The following ST3GAL4 variants were observed in gnomAD, a reference collection of about 807,000 sequenced individuals.
ST3GAL4 encodes CMP-N-acetylneuraminate-beta-galactosamide-alpha-2,3-sialyltransferase 4.
ST3GAL4 carries 24 observed loss-of-function variants against 42.6 expected under a neutral mutation model. That is an observed-to-expected ratio of 0.56 (90% CI 0.41 to 0.79). The LOEUF is 0.79. Among genes scored for constraint, ST3GAL4 ranks in the 30% least tolerant of loss-of-function variants. The pLI is 0.00. For missense variants in ST3GAL4, 311 were observed against 430.8 expected (o/e 0.72, Z 2.46); for synonymous variants, 135 against 163.2 (o/e 0.83, Z 1.32).
chr11:126,382,918 C>T (rs1953064064), intron 1 of ST3GAL4, among the ~76,000 whole-genome samples: 2 of 152,244 alleles, frequency 1.3e-5, no homozygotes, highest in Non-Finnish European at 2.9e-5. Context: ...GCTGGCGGGG[C>T]AGCTGGAGGA....
Position 126,411,894 on chromosome 11 carries a change from A to G in ST3GAL4, c.772-1611A>G, listed in dbSNP as rs543037499. 6.6e-6 allele frequency among the ~76,000 whole-genome samples: 1 copy of G among 152,304 alleles called. No homozygotes were observed. The highest frequency in any genetic ancestry group is 2.4e-5 in the African/African-American group (1 of 41,572). ...GTAATTAGGTCAAGCTCAGCAGGACAGCCTCTCCTTTTGTGTTCAACTGTG... is the reference window on the plus strand; with the variant it reads ...GTAATTAGGTCAAGCTCAGCAGGACGGCCTCTCCTTTTGTGTTCAACTGTG... On this transcript the variant is annotated intron_variant, in intron 9 of 10. Transcript: ENST00000444328. This position sits in a 1 kb window ranked among gnomAD's most constrained non-coding sequence, Gnocchi z 6.3.
chr11:126,406,267 G>A lies in ST3GAL4; in HGVS notation c.16+96G>A. Reference sequence around the variant, plus strand: ...GACCTCTGGGGGCTGTGGAGGGACAGACAGGGAGCCAGGGGCCCTTCTCTT... The same window carrying A: ...GACCTCTGGGGGCTGTGGAGGGACAAACAGGGAGCCAGGGGCCCTTCTCTT... On this transcript the variant is annotated intron_variant, in intron 2 of 10. Coordinates refer to ENST00000444328, the MANE Select transcript of ST3GAL4 (RefSeq NM_001254757.2). The surrounding 1 kb of genome is among the most constrained non-coding windows in gnomAD (Gnocchi z 5.4). 6.5e-7 allele frequency: 1 copy of A among 1,548,672 alleles called. No individual in the cohort carries two copies. Among genetic ancestry groups the A allele is most frequent in the Non-Finnish European group, 8.7e-7 (1 of 1,146,350 alleles).
chr11:126,370,948 G>A lies in ST3GAL4; in HGVS notation c.-61+15106G>A, dbSNP rs576606766. ...CTCCCAAAGTGCTGGGATTACTGGT[G>A]TGAACCACTGTGCCTGGCCCTCGTT... On this transcript the variant is annotated intron_variant, in intron 1 of 10. Coordinates refer to ENST00000444328, the MANE Select transcript of ST3GAL4 (RefSeq NM_001254757.2). 4.3e-4 allele frequency among the ~76,000 whole-genome samples: 65 copies of A among 151,966 alleles called. 1 individual carries two copies. Among genetic ancestry groups the A allele is most frequent in the Non-Finnish European group, 8.4e-4 (57 of 67,996 alleles).
At chr11:126,413,362 C>T (rs960932000) in intron 9 of ST3GAL4, 143 bp from the exon 10 acceptor site, 11 of 976,856 alleles carry the variant, frequency 1.1e-5, no homozygotes, top group East Asian at 2.7e-5. Flanking sequence ...TTTGCGTGCT[C>T]GTTAGCTCGT....
rs1212274246 is a variant in ST3GAL4, at chr11:126,392,374, C to T, written c.-60-13722C>T. Reference sequence around the variant, plus strand: ...GAGCTGGTAAGTGGTTAAGATCAGTCGGACATGACAACCTCCAGTTCTGCA... The same window carrying T: ...GAGCTGGTAAGTGGTTAAGATCAGTTGGACATGACAACCTCCAGTTCTGCA... On this transcript the variant is annotated intron_variant, in intron 1 of 10. Coordinates refer to ENST00000444328, the MANE Select transcript of ST3GAL4 (RefSeq NM_001254757.2). The surrounding 1 kb of genome is among the most constrained non-coding windows in gnomAD (Gnocchi z 5.8). The T allele has an allele frequency of 2.2e-5, 22 of 985,776 alleles. No homozygotes were observed. Among genetic ancestry groups the T allele is most frequent in the South Asian group, 1.9e-4 (4 of 21,280 alleles). 61.1% of individuals were successfully genotyped at this position (985,776 alleles called of 1,614,324 possible).
chr11:126,362,869 G>A (rs554216555), intron 1 of ST3GAL4, among the ~76,000 whole-genome samples: 2 of 152,314 alleles, frequency 1.3e-5, no homozygotes, highest in East Asian at 1.9e-4. Flanking sequence ...TATTGCAAAC[G>A]AGGGAGCAGA....
intron 4 of ST3GAL4, 26 bp from the exon 5 acceptor site, chr11:126,407,226 C>A: frequency 6.2e-7 from 1 of 1,611,736 alleles, no homozygotes; most frequent in Non-Finnish European, 8.5e-7. Context: ...TGTTCTCATC[C>A]CCACCCGGCT....
rs578035265 is a variant in ST3GAL4, at chr11:126,410,965, G to A, written c.771+1554G>A. Among the ~76,000 whole-genome samples the A allele has an allele frequency of 3.3e-5, 5 of 152,298 alleles. No homozygotes were observed. The highest frequency in any genetic ancestry group is 1.9e-4 in the East Asian group (1 of 5,182). On this transcript the variant is annotated intron_variant, in intron 9 of 10. Coordinates refer to ENST00000444328, the MANE Select transcript of ST3GAL4 (RefSeq NM_001254757.2). This position sits in a 1 kb window ranked among gnomAD's most constrained non-coding sequence, Gnocchi z 5.3. Reference sequence around the variant, plus strand: ...GGCATTCCATTTGGCCAGAGCAGGCGGCTCCTCCAGCACTGAACTGTTTCC... The same window carrying A: ...GGCATTCCATTTGGCCAGAGCAGGCAGCTCCTCCAGCACTGAACTGTTTCC...
Position 126,410,780 on chromosome 11 carries a change from T to C in ST3GAL4, c.771+1369T>C, listed in dbSNP as rs1021798829. On this transcript the variant is annotated intron_variant, in intron 9 of 10. Transcript: ENST00000444328. The surrounding 1 kb of genome is among the most constrained non-coding windows in gnomAD (Gnocchi z 5.3). ...CAGTCTAGCAGAGTAAGAATGCAGGTTGCACTGTGGGGTGATAAAATTCCA... is the reference window on the plus strand; with the variant it reads ...CAGTCTAGCAGAGTAAGAATGCAGGCTGCACTGTGGGGTGATAAAATTCCA... Among the ~76,000 whole-genome samples, 3 of 152,116 alleles carry C rather than the reference T, an allele frequency of 2.0e-5. No homozygotes were observed. Among genetic ancestry groups the C allele is most frequent in the Non-Finnish European group, 4.4e-5 (3 of 68,020 alleles).
At chr11:126,408,794 A>C in intron 8 of ST3GAL4, 1 of 467,040 alleles carries the variant, frequency 2.1e-6, no homozygotes, top group East Asian at 3.5e-5. Context: ...CCTGTGAGGA[A>C]CTCGGGAGCT....
chr11:126,395,986 G>A (rs974186553), intron 1 of ST3GAL4, among the ~76,000 whole-genome samples: 31 of 151,962 alleles, frequency 2.0e-4, no homozygotes, highest in Non-Finnish European at 3.8e-4. Context: ...AGTGAGAAGA[G>A]TCCATGGGGT....
intron 1 of ST3GAL4, among the ~76,000 whole-genome samples, chr11:126,402,432 C>T (rs928466958): frequency 3.5e-4 from 46 of 130,680 alleles, no homozygotes; most frequent in Non-Finnish European, 6.5e-4. Flanking sequence ...TTAGCCTGGG[C>T]GATAGAGCAA....
At chr11:126,374,573 G>C (rs1952766504) in intron 1 of ST3GAL4, among the ~76,000 whole-genome samples, 1 of 152,156 alleles carries the variant, frequency 6.6e-6, no homozygotes, top group African/African-American at 2.4e-5. Flanking sequence ...AAGCCTCAGA[G>C]GAGGGAGCAT....
Position 126,406,160 on chromosome 11 carries a change from T to G in ST3GAL4, c.5T>G (p.Val2Gly). Reference protein sequence around the residue: MVSKSRWKLLAM... With the variant: MGSKSRWKLLAM... Reference sequence around the variant, plus strand: ...TCCTGCTGCCTGCTGAGAAACATGGTCAGCAAGTCCCGTGAGTGTCATCCG... The same window carrying G: ...TCCTGCTGCCTGCTGAGAAACATGGGCAGCAAGTCCCGTGAGTGTCATCCG... The change falls in exon 2 of 11, where the codon GTC becomes GGC. Residue 2 changes from valine (V) to glycine (G), a missense_variant. Transcript: ENST00000444328. This position sits in a 1 kb window ranked among gnomAD's most constrained non-coding sequence, Gnocchi z 5.4. 6.4e-7 allele frequency: 1 copy of G among 1,556,996 alleles called. No homozygotes were observed. The highest frequency in any genetic ancestry group is 8.7e-7 in the Non-Finnish European group (1 of 1,150,126).
chr11:126,408,859 C>G (rs1156472064), intron 8 of ST3GAL4: 2 of 406,790 alleles, frequency 4.9e-6, no homozygotes, highest in African/African-American at 3.9e-5. Flanking sequence ...GCAATGAGGC[C>G]TGTGTCCAAA....
intron 1 of ST3GAL4, among the ~76,000 whole-genome samples, chr11:126,399,007 A>T (rs1953892279): frequency 6.6e-6 from 1 of 152,186 alleles, no homozygotes; most frequent in South Asian, 2.1e-4. Context: ...CTGTGATCAC[A>T]GGTCATCTCT....
chr11:126,404,098 TAATCAAG>T (rs1954127058), intron 1 of ST3GAL4, among the ~76,000 whole-genome samples: 1 of 152,202 alleles, frequency 6.6e-6, no homozygotes, highest in African/African-American at 2.4e-5. Flanking sequence ...TCTTCAGCCA[TAATCAAG>T]AATATCAGGC....
rs898451941 is a variant in ST3GAL4 at position 126,363,322 on chromosome 11, A to G, written c.-61+7480A>G. Reference sequence around the variant, plus strand: ...CCTCCTTCCTTTCTGCCTCCTCTGCATTCTCTCCTTGCCCTTGCTTCTCTG... The same window carrying G: ...CCTCCTTCCTTTCTGCCTCCTCTGCGTTCTCTCCTTGCCCTTGCTTCTCTG... On this transcript the variant is annotated intron_variant, in intron 1 of 10. Coordinates refer to ENST00000444328, the MANE Select transcript of ST3GAL4 (RefSeq NM_001254757.2). The surrounding 1 kb of genome is among the most constrained non-coding windows in gnomAD (Gnocchi z 4.6). 6.6e-6 allele frequency among the ~76,000 whole-genome samples: 1 copy of G among 151,972 alleles called. No homozygotes were observed. The highest frequency in any genetic ancestry group is 1.5e-5 in the Non-Finnish European group (1 of 68,002).
rs77996750 is a variant in ST3GAL4, at chr11:126,406,901, G to A, written c.102-42G>A. 1.4e-5 allele frequency: 22 copies of A among 1,573,490 alleles called. No individual in the cohort carries two copies. Among genetic ancestry groups the A allele is most frequent in the African/African-American group, 2.7e-5 (2 of 73,944 alleles). On this transcript the variant is annotated intron_variant, in intron 3 of 10. Transcript: ENST00000444328. This position sits in a 1 kb window ranked among gnomAD's most constrained non-coding sequence, Gnocchi z 5.4. ...GGCTGCCTGGAACATGGGTCCCTGG[G>A]TCTGACTGGGGCTTCTGCCTCCTGT...
Sources: gnomAD v4.1 joint callset for allele counts (sites outside exome capture counted in the v4.1 genomes callset) on GRCh38, gnomAD v4.1.1 for gene constraint, Gnocchi (gnomAD v3.1) non-coding constraint, MANE v1.5 for transcripts, NCBI Gene and HGNC (gene_info 2026-07-23, HGNC 2026-07-21) for gene names.